CUX2: variants seen among roughly 807,000 people sequenced by gnomAD.
The protein encoded by CUX2 is homeobox protein cut-like 2.
Under a neutral mutation model 144.8 loss-of-function variants are expected in CUX2, and 40 were observed. The observed-to-expected ratio is 0.28, with a 90% CI of 0.21 to 0.36. The LOEUF (loss-of-function observed/expected upper bound fraction) is 0.36, where lower values mean the gene tolerates loss of function less well. CUX2 is among the 10% of genes least tolerant of loss of function. The pLI, the probability that CUX2 is intolerant of heterozygous loss-of-function variation, is 1.00. For missense variants in CUX2, 1,615 were observed against 1,994.0 expected (o/e 0.81, Z 3.62); for synonymous variants, 827 against 875.6 (o/e 0.94, Z 0.98).
intron 3 of CUX2, among the ~76,000 whole-genome samples, chr12:111,224,516 C>CTTTTTTTTTTT (rs34109440): frequency 1.3e-5 from 1 of 77,218 alleles, no homozygotes; most frequent in African/African-American, 4.9e-5. Flanking sequence ...AATTACAGGG[C>CTTTTTTTTTTT]TTTTTTTTTT....
At position 111,334,696 on chromosome 12, in the gene CUX2, C is replaced by T; in HGVS notation, c.3182C>T (p.Thr1061Ile). The T allele has an allele frequency of 6.2e-7, 1 of 1,609,978 alleles. No individual in the cohort carries two copies. The highest frequency in any genetic ancestry group is 8.5e-7 in the Non-Finnish European group (1 of 1,177,772). The change falls in exon 19 of 22, where the codon ACA becomes ATA. Residue 1061 changes from threonine (T) to isoleucine (I), a missense_variant. Coordinates refer to ENST00000261726, the MANE Select transcript of CUX2 (RefSeq NM_015267.4). ...SITKRVKEVL[T>I]DNNLGQRLFG... ...ACCAAGAGGGTGAAGGAGGTCCTCA[C>T]AGACAACAATCTAGGTACGGAGCGG...
chr12:111,278,738 T>C (rs1004724377), intron 4 of CUX2, among the ~76,000 whole-genome samples: 1 of 152,186 alleles, frequency 6.6e-6, no homozygotes, highest in South Asian at 2.1e-4. Flanking sequence ...ATTTTAAAGA[T>C]TTTTTGTCAT....
At chr12:111,341,640 G>T (rs1183901705) in intron 20 of CUX2, 140 bp from the exon 21 acceptor site, 1 of 957,494 alleles carries the variant, frequency 1.0e-6, no homozygotes, top group Non-Finnish European at 1.5e-6. Context: ...AGAAAGGCTG[G>T]GGGGCGGGCC....
In CUX2 at chr12:111,077,206, A is replaced by AC. The variant is rs954004276; in HGVS notation, c.63+42970dup. ...TGGGAATTCCAAATAGTGCTCCCAA[A>AC]CCCCGCAGCGCCCCCGAGGCCCAAG... is the stretch of plus-strand genomic sequence containing the variant. On this transcript the variant is annotated intron_variant, in intron 1 of 21. Transcript: ENST00000261726. This position sits in a 1 kb window ranked among gnomAD's most constrained non-coding sequence, Gnocchi z 4.1. 1.3e-5 allele frequency among the ~76,000 whole-genome samples: 2 copies of AC among 152,058 alleles called. No homozygotes were observed. Among genetic ancestry groups the AC allele is most frequent in the African/African-American group, 4.8e-5 (2 of 41,390 alleles).
chr12:111,251,265 C>A (rs1436882159), intron 3 of CUX2, among the ~76,000 whole-genome samples: 1 of 152,082 alleles, frequency 6.6e-6, no homozygotes, highest in Non-Finnish European at 1.5e-5. Context: ...GAGTGACAAG[C>A]AATTTAAATG....
At chr12:111,180,650 A>C (rs546306625) in intron 1 of CUX2, among the ~76,000 whole-genome samples, 4 of 152,318 alleles carry the variant, frequency 2.6e-5, no homozygotes, top group African/African-American at 9.6e-5. Flanking sequence ...AGGGCCTCTG[A>C]GGATCTGGTG....
intron 1 of CUX2, among the ~76,000 whole-genome samples, chr12:111,144,065 C>T (rs2136126897): frequency 6.6e-6 from 1 of 152,340 alleles, no homozygotes; most frequent in East Asian, 1.9e-4. Context: ...GTGTGACAGG[C>T]AGTGGACCCC....
Position 111,295,221 on chromosome 12 carries a change from T to C in CUX2, c.561-112T>C. 1 of 786,372 alleles carries C rather than the reference T, an allele frequency of 1.3e-6. No individual in the cohort carries two copies. Among genetic ancestry groups the C allele is most frequent in the Non-Finnish European group, 2.0e-6 (1 of 489,794 alleles). 48.7% of individuals were successfully genotyped at this position (786,372 alleles called of 1,614,324 possible). A position where few individuals can be genotyped will look rare whatever the true frequency, so the allele number is the denominator to read the frequency against. ...CTAAGGACTTGCAGAAAGACAGAGG[T>C]GCAGGTTACAGGGAGTGGGCAAGGG... On this transcript the variant is annotated intron_variant, in intron 6 of 21. Coordinates refer to ENST00000261726, the MANE Select transcript of CUX2 (RefSeq NM_015267.4). This position sits in a 1 kb window ranked among gnomAD's most constrained non-coding sequence, Gnocchi z 5.0.
At position 111,322,705 on chromosome 12, in the gene CUX2, CCA is replaced by C; in HGVS notation, c.2926+126_2926+127del. ...CCTCCCTGCTGCCCTGGCTTTCATC[CCA>C]GTCACTGTCATGGCTGCACTGGAAC... On this transcript the variant is annotated intron_variant, in intron 18 of 21. Coordinates refer to ENST00000261726, the MANE Select transcript of CUX2 (RefSeq NM_015267.4). This position sits in a 1 kb window ranked among gnomAD's most constrained non-coding sequence, Gnocchi z 4.2. 8.0e-7 allele frequency: 1 copy of C among 1,247,382 alleles called. No individual in the cohort carries two copies. Among genetic ancestry groups the C allele is most frequent in the Non-Finnish European group, 1.1e-6 (1 of 899,656 alleles). The allele number at this position is 1,247,382 out of a possible 1,614,324, so 77.3% of individuals were successfully genotyped here.
At chr12:111,089,634 G>C (rs1398973346) in intron 1 of CUX2, among the ~76,000 whole-genome samples, 2 of 152,220 alleles carry the variant, frequency 1.3e-5, no homozygotes, top group Non-Finnish European at 2.9e-5. Context: ...CCCTCTGCAG[G>C]AGGCAGCATC....
chr12:111,348,292 C>T lies in CUX2; in HGVS notation c.4428C>T (p.Ala1476=), dbSNP rs764579233. The T allele has an allele frequency of 6.2e-7, 1 of 1,612,966 alleles. No homozygotes were observed. Among genetic ancestry groups the T allele is most frequent in the Admixed American group, 1.7e-5 (1 of 60,014 alleles). Residue 1476 remains alanine, a synonymous_variant, in exon 22 of 22, where the codon GCC becomes GCT. Transcript: ENST00000261726. ...NNIIYRVERA[A]NREEALEWEF is the part of the protein sequence containing the mutation. ...TCATTTACCGAGTAGAGCGGGCTGCCAATCGGGAGGAGGCCCTGGAGTGGG... is the reference window on the plus strand; with the variant it reads ...TCATTTACCGAGTAGAGCGGGCTGCTAATCGGGAGGAGGCCCTGGAGTGGG...
Position 111,320,700 on chromosome 12 carries a change from C to A in CUX2, c.2691C>A (p.Asp897Glu). The stretch of plus-strand genomic sequence containing the variant: ...AGCTGTACATGTACCGTGAGGTAGA[C>A]ACGCTGGAGCTCACCCGCCAGGTCA... The part of the protein sequence containing the change: ...QYELYMYREV[D>E]TLELTRQVKE... Residue 897 changes from aspartate (D) to glutamate (E), a missense_variant, in exon 17 of 22, where the codon GAC becomes GAA. Around this residue, in one of 12 missense-constraint regions of CUX2, gnomAD observed 390 missense variants for 387.1 expected, o/e 1.01. Transcript: ENST00000261726. The surrounding 1 kb of genome is among the most constrained non-coding windows in gnomAD (Gnocchi z 8.1). The A allele has an allele frequency of 6.3e-7, 1 of 1,592,484 alleles. No individual in the cohort carries two copies. The highest frequency in any genetic ancestry group is 8.5e-7 in the Non-Finnish European group (1 of 1,177,328).
At chr12:111,342,619 T>C (rs1202600781) in intron 21 of CUX2, among the ~76,000 whole-genome samples, 1 of 152,046 alleles carries the variant, frequency 6.6e-6, no homozygotes, top group East Asian at 1.9e-4. Context: ...ATCTACTTCA[T>C]AGAGTTGCAC....
chr12:111,136,830 G>C (rs531587933), intron 1 of CUX2, among the ~76,000 whole-genome samples: 2 of 152,214 alleles, frequency 1.3e-5, no homozygotes, highest in Non-Finnish European at 2.9e-5. Context: ...CAATGCCTTT[G>C]AAGTCAGTGC....
intron 1 of CUX2, among the ~76,000 whole-genome samples, chr12:111,207,880 T>C (rs1329247775): frequency 6.6e-6 from 1 of 151,974 alleles, no homozygotes; most frequent in South Asian, 2.1e-4. Flanking sequence ...AGAGGAGACA[T>C]TTAAGCTGAC....
At chr12:111,083,720 G>A (rs1054648823) in intron 1 of CUX2, among the ~76,000 whole-genome samples, 4 of 152,140 alleles carry the variant, frequency 2.6e-5, no homozygotes, top group African/African-American at 9.7e-5. Context: ...CAAACTCACA[G>A]GTAATAGAAG....
Position 111,255,841 on chromosome 12 carries a change from G to A in CUX2, c.223-7920G>A, listed in dbSNP as rs890459202. Among the ~76,000 whole-genome samples the A allele has an allele frequency of 6.6e-6, 1 of 152,190 alleles. No homozygotes were observed. The highest frequency in any genetic ancestry group is 2.4e-5 in the African/African-American group (1 of 41,434). ...AGCTGTTACCCCCATTTTCCGGGTG[G>A]TAGGAAATCAGAAGGGTGCTGTAAA... On this transcript the variant is annotated intron_variant, in intron 3 of 21. Transcript: ENST00000261726. This position sits in a 1 kb window ranked among gnomAD's most constrained non-coding sequence, Gnocchi z 4.1.
chr12:111,223,098 G>A (rs1169580508), intron 3 of CUX2, among the ~76,000 whole-genome samples: 8 of 152,092 alleles, frequency 5.3e-5, no homozygotes, highest in Admixed American at 2.6e-4. Context: ...TATTGGCAGC[G>A]TGCAGGTCCG....
At position 111,330,524 on chromosome 12, in the gene CUX2, ATGAGGGTCACT is replaced by A. The variant is rs1213070349; in HGVS notation, c.2927-3912_2927-3902del. Among the ~76,000 whole-genome samples the A allele has an allele frequency of 3.0e-4, 46 of 151,300 alleles. 1 individual carries two copies. Among genetic ancestry groups the A allele is most frequent in the Middle Eastern group, 3.4e-3 (1 of 294 alleles). Reference sequence around the variant, plus strand: ...ATAGCACTTACCTCTTAGAGGTGTCATGAGGGTCACTTGAGATCATGAGCATTGGCCAGCCA... The same window carrying A: ...ATAGCACTTACCTCTTAGAGGTGTCATGAGATCATGAGCATTGGCCAGCCA... On this transcript the variant is annotated intron_variant, in intron 18 of 21. Transcript: ENST00000261726.
Sources: allele counts gnomAD v4.1 joint callset (sites outside exome capture counted in the v4.1 genomes callset), GRCh38; gene constraint gnomAD v4.1.1; regional missense constraint gnomAD v4.1.1; non-coding constraint Gnocchi (gnomAD v3.1); transcripts MANE v1.5; gene names NCBI Gene and HGNC (gene_info 2026-07-23, HGNC 2026-07-21).